Variants in TTC39B observed in about 807,000 individuals in gnomAD.
TTC39B encodes the protein tetratricopeptide repeat domain 39B.
Under a neutral mutation model 96.6 loss-of-function variants are expected in TTC39B, and 92 were observed. That is an observed-to-expected ratio of 0.95 (90% CI 0.80 to 1.13). TTC39B has a LOEUF of 1.13. TTC39B is among the 50% of genes most tolerant of loss of function. TTC39B has a pLI of 0.00. For synonymous variants in TTC39B, 367 were observed against 299.4 expected (o/e 1.23, Z -2.33); for missense variants, 955 against 809.3 (o/e 1.18, Z -2.18).
intron 8 of TTC39B, 98 bp downstream of exon 8, chr9:15,199,763 A>AAAAAAAC (rs1564337943): frequency 1.2e-5 from 5 of 402,336 alleles, no homozygotes; most frequent in African/African-American, 9.0e-5. Context: ...AAAAAAAAAA[A>AAAAAAAC]AAAAATCCTA....
intron 9 of TTC39B, 67 bp from the exon 10 acceptor site, chr9:15,191,322 A>C: frequency 8.9e-7 from 1 of 1,123,040 alleles, no homozygotes; most frequent in South Asian, 1.5e-5. Context: ...ATCTAAACTA[A>C]CAACTTACAG....
chr9:15,243,321 G>A lies in TTC39B; in HGVS notation c.276-17309C>T, dbSNP rs537494345. ...TGAACAGATGATGTAATTTTTAATT[G>A]ACCACTTAATGTGCTTTTCTGTCCT... On this transcript the variant is annotated intron_variant, in intron 2 of 19. Coordinates refer to ENST00000512701, the Ensembl canonical transcript of TTC39B. Among the ~76,000 whole-genome samples the A allele has an allele frequency of 9.9e-5, 15 of 152,264 alleles. 1 individual carries two copies. In the South Asian group the frequency reaches 2.7e-3, roughly 27 times the overall value.
chr9:15,185,181 T>C, intron 16 of TTC39B, 99 bp downstream of exon 16: 1 of 1,434,310 alleles, frequency 7.0e-7, no homozygotes, highest in Non-Finnish European at 9.3e-7. Flanking sequence ...CAATGGTTTT[T>C]AAATGAGCTA....
chr9:15,211,809 A>G (rs1820217926), intron 4 of TTC39B, among the ~76,000 whole-genome samples: 1 of 152,256 alleles, frequency 6.6e-6, no homozygotes, highest in Non-Finnish European at 1.5e-5. Context: ...AAAGGCTTAT[A>G]TAAAATAATC....
intron 2 of TTC39B, among the ~76,000 whole-genome samples, chr9:15,236,587 A>G (rs1821793063): frequency 6.6e-6 from 1 of 152,248 alleles, no homozygotes. Context: ...AGCAAGTCTC[A>G]ATAAAATCAA....
chr9:15,268,166 G>A (rs1823208397), intron 1 of TTC39B, among the ~76,000 whole-genome samples: 1 of 151,854 alleles, frequency 6.6e-6, no homozygotes, highest in East Asian at 1.9e-4. Flanking sequence ...TAATAAGGCT[G>A]GTAAAATACT....
At chr9:15,200,395 C>T (rs1402670886) in intron 7 of TTC39B, among the ~76,000 whole-genome samples, 1 of 152,160 alleles carries the variant, frequency 6.6e-6, no homozygotes, top group Non-Finnish European at 1.5e-5. Flanking sequence ...TTTAATGTTG[C>T]GAATTTTACT....
chr9:15,188,153 G>A, intron 13 of TTC39B, 21 bp from the exon 14 acceptor site: 1 of 1,571,494 alleles, frequency 6.4e-7, no homozygotes, highest in Non-Finnish European at 8.6e-7. Context: ...AGTACACAAA[G>A]TTGATCGTCC....
chr9:15,281,625 C>CAAA (rs1161175672), intron 1 of TTC39B, among the ~76,000 whole-genome samples: 1,415 of 48,394 alleles, frequency 0.029, 87 homozygotes, highest in African/African-American at 0.11. Flanking sequence ...CCTGCAACAG[C>CAAA]AAAAAAAAAA....
chr9:15,299,857 T>A (rs988998838), intron 1 of TTC39B, among the ~76,000 whole-genome samples: 1 of 152,068 alleles, frequency 6.6e-6, no homozygotes, highest in Admixed American at 6.6e-5. Context: ...CAGGAAGAAC[T>A]GATACTTGTC....
chr9:15,172,268 G>C (rs1042250799), intron 19 of TTC39B, among the ~76,000 whole-genome samples, 159 bp from the exon 20 acceptor site: 2 of 151,782 alleles, frequency 1.3e-5, no homozygotes, highest in African/African-American at 4.8e-5. Context: ...CTGTTGGGGG[G>C]TTTTGGGGGG....
intron 2 of TTC39B, chr9:15,232,412 C>G (rs1274218116): frequency 6.6e-6 from 1 of 152,294 alleles, no homozygotes; most frequent in Non-Finnish European, 1.5e-5. Context: ...AAAGAAAAAG[C>G]AGTAGCCTCT....
intron 8 of TTC39B, among the ~76,000 whole-genome samples, chr9:15,198,634 T>G (rs990356738): frequency 1.5e-4 from 23 of 151,284 alleles, no homozygotes; most frequent in African/African-American, 5.3e-4. Flanking sequence ...AAAATTAGAC[T>G]ACAGCTAAGA....
At chr9:15,184,948 T>C (rs894718495) in intron 16 of TTC39B, among the ~76,000 whole-genome samples, 5 of 152,232 alleles carry the variant, frequency 3.3e-5, no homozygotes, top group African/African-American at 1.2e-4. Flanking sequence ...TGCATTAGAA[T>C]TCAACTCAAC....
exon 20 of TTC39B, chr9:15,166,982 T>TTTTTTTTTATATATA (rs1387664027): frequency 9.9e-5 from 2 of 20,276 alleles, no homozygotes; most frequent in African/African-American, 1.8e-4. Context: ...AACCTTTATT[T>TTTTTTTTTATATATA]TATATATATA....
intron 1 of TTC39B, among the ~76,000 whole-genome samples, chr9:15,272,642 C>A (rs914213295): frequency 6.6e-6 from 1 of 152,188 alleles, no homozygotes; most frequent in African/African-American, 2.4e-5. Context: ...TGCCTCCAAA[C>A]AGTATCTAAC....
chr9:15,189,676 T>A, intron 12 of TTC39B, 43 bp from the exon 13 acceptor site: 3 of 1,614,040 alleles, frequency 1.9e-6, no homozygotes, highest in Non-Finnish European at 2.5e-6. Context: ...CAGTCAACAC[T>A]GGCTGATTAA....
intron 6 of TTC39B, among the ~76,000 whole-genome samples, chr9:15,208,651 A>G (rs1284668773): frequency 6.6e-6 from 1 of 152,208 alleles, no homozygotes; most frequent in Non-Finnish European, 1.5e-5. Context: ...ATTCTTACAA[A>G]TAGTTGGAGG....
chr9:15,179,021 T>C (rs575499411), intron 17 of TTC39B, among the ~76,000 whole-genome samples: 1 of 152,226 alleles, frequency 6.6e-6, no homozygotes, highest in Non-Finnish European at 1.5e-5. Context: ...CTCCACAAAC[T>C]TCTAACTGCT....
Sources: allele counts gnomAD v4.1 joint callset (sites outside exome capture counted in the v4.1 genomes callset), GRCh38; gene constraint gnomAD v4.1.1; transcripts MANE v1.5; gene names NCBI Gene and HGNC (gene_info 2026-07-23, HGNC 2026-07-21).